Variants in CDC42SE2 observed in about 807,000 individuals in gnomAD.
CDC42SE2 encodes CDC42 small effector 2.
In CDC42SE2, 3 loss-of-function variants were observed where a neutral mutation model predicts 11.5. The ratio of observed to expected loss-of-function variants is 0.26; its 90% CI spans 0.12 to 0.67. The LOEUF is 0.67. CDC42SE2 is among the 30% of genes least tolerant of loss of function. CDC42SE2 has a pLI of 0.80. For synonymous variants in CDC42SE2, 33 were observed against 34.8 expected, an observed-to-expected ratio of 0.95 and a Z score of 0.18; for missense variants, 82 against 106.8, an observed-to-expected ratio of 0.77 and a Z score of 1.02.
At chr5:131,283,119 G>A (rs187698960) in intron 1 of CDC42SE2, among the ~76,000 whole-genome samples, 1,587 of 151,660 alleles carry the variant, frequency 0.01, 30 homozygotes, top group African/African-American at 0.036. Context: ...TAGAGATGGG[G>A]TTTCTCCATG....
chr5:131,379,760 G>C (rs1035201866), intron 3 of CDC42SE2, among the ~76,000 whole-genome samples: 1 of 152,062 alleles, frequency 6.6e-6, no homozygotes, highest in African/African-American at 2.4e-5. Context: ...GATGGTTGAC[G>C]GTCTTAACAA....
chr5:131,313,464 G>T (rs956372915), intron 1 of CDC42SE2, among the ~76,000 whole-genome samples: 2 of 152,154 alleles, frequency 1.3e-5, no homozygotes, highest in Non-Finnish European at 2.9e-5. Flanking sequence ...AGGCCACAAA[G>T]ATTTTATGGA....
chr5:131,288,239 TGTG>T (rs1757381949), intron 1 of CDC42SE2, among the ~76,000 whole-genome samples: 1 of 151,768 alleles, frequency 6.6e-6, no homozygotes, highest in Non-Finnish European at 1.5e-5. Flanking sequence ...AAAAAAAAAT[TGTG>T]GTAATGTTTA....
intron 1 of CDC42SE2, among the ~76,000 whole-genome samples, chr5:131,300,727 G>A (rs1319706088): frequency 1.3e-5 from 2 of 150,948 alleles, no homozygotes; most frequent in East Asian, 2.0e-4. Context: ...AGCTTGCTGT[G>A]AGCCGAGATC....
At chr5:131,337,061 C>T (rs1266314026) in intron 2 of CDC42SE2, among the ~76,000 whole-genome samples, 7 of 152,252 alleles carry the variant, frequency 4.6e-5, no homozygotes, top group African/African-American at 7.2e-5. Flanking sequence ...TTAGCGTTTC[C>T]GGTTTTTCTG....
intron 2 of CDC42SE2, among the ~76,000 whole-genome samples, chr5:131,337,573 T>C (rs1044870887): frequency 1.6e-4 from 24 of 152,260 alleles, no homozygotes; most frequent in African/African-American, 5.5e-4. Context: ...AGAGGTGGAG[T>C]CTACAGAGGC....
the CDC42SE2 span, among the ~76,000 whole-genome samples, chr5:131,218,614 C>G: frequency 7.1e-6 from 1 of 141,190 alleles, no homozygotes; most frequent in African/African-American, 3.0e-5. Context: ...CGAAACAACT[C>G]ACATGACTAA....
Position 131,385,708 on chromosome 5 carries a change from C to T in CDC42SE2, c.156+64C>T, listed in dbSNP as rs574940074. 163 of 913,166 alleles carry T rather than the reference C, an allele frequency of 1.8e-4. 1 individual carries two copies. In the African/African-American group the frequency reaches 2.5e-3, roughly 14 times the overall value. The allele number at this position is 913,166 out of a possible 1,614,324, so 56.6% of individuals were successfully genotyped here. On this transcript the variant is annotated intron_variant, in intron 4 of 4. Transcript: ENST00000505065. ...GCATAGTCATATGAAACCTGTGTGA[C>T]AGGCACAAGCATTTTTAATAGCATT... is the stretch of plus-strand genomic sequence containing the variant.
At chr5:131,385,710 G>T in intron 4 of CDC42SE2, 66 bp downstream of exon 4, 3 of 914,902 alleles carry the variant, frequency 3.3e-6, no homozygotes, top group South Asian at 1.4e-5. Context: ...CTGTGTGACA[G>T]GCACAAGCAT....
chr5:131,267,647 T>G (rs771296135), intron 1 of CDC42SE2, among the ~76,000 whole-genome samples: 1 of 152,208 alleles, frequency 6.6e-6, no homozygotes, highest in Non-Finnish European at 1.5e-5. Flanking sequence ...ATATTGCAGC[T>G]GTGCTCATAT....
intron 2 of CDC42SE2, among the ~76,000 whole-genome samples, chr5:131,352,956 TATC>T (rs1049999450): frequency 1.3e-5 from 2 of 152,106 alleles, no homozygotes; most frequent in African/African-American, 4.8e-5. Flanking sequence ...AATTCATTAT[TATC>T]AACTGCTCAT....
At chr5:131,295,920 C>T (rs1757562923) in intron 1 of CDC42SE2, among the ~76,000 whole-genome samples, 1 of 152,154 alleles carries the variant, frequency 6.6e-6, no homozygotes, top group Non-Finnish European at 1.5e-5. Context: ...CTCCTGACCT[C>T]ATGATCTGCC....
chr5:131,312,893 C>G (rs989072754), intron 1 of CDC42SE2, among the ~76,000 whole-genome samples: 2 of 152,202 alleles, frequency 1.3e-5, no homozygotes, highest in African/African-American at 4.8e-5. Flanking sequence ...GCAGAAATCA[C>G]CCGTCTTCTG....
chr5:131,280,040 C>T (rs1757206216), intron 1 of CDC42SE2, among the ~76,000 whole-genome samples: 1 of 152,208 alleles, frequency 6.6e-6, no homozygotes, highest in Admixed American at 6.5e-5. Context: ...GCACTCCAGC[C>T]TGGATGACAG....
chr5:131,224,824 G>A, the CDC42SE2 span, among the ~76,000 whole-genome samples: 1 of 151,580 alleles, frequency 6.6e-6, no homozygotes, highest in Non-Finnish European at 1.5e-5. Flanking sequence ...AGCAGATGCA[G>A]GAGCCAAAGC....
chr5:131,240,260 GTCAT>G, the CDC42SE2 span, among the ~76,000 whole-genome samples: 1 of 152,036 alleles, frequency 6.6e-6, no homozygotes, highest in Non-Finnish European at 1.5e-5. Context: ...TTCCATTCTA[GTCAT>G]TCATTCATAA....
Position 131,257,580 on chromosome 5 carries a change from C to T in CDC42SE2, n.242+2351C>T, listed in dbSNP as rs1277590128. On this transcript the variant is annotated intron_variant and non_coding_transcript_variant, in intron 2 of 3. Transcript: ENST00000502840. ...GCAACCTCTGCCTCCCAGGTTCAAG[C>T]GATTCTCCTGCCTCAGCTTCCCAAG... 3.3e-5 allele frequency among the ~76,000 whole-genome samples: 5 copies of T among 151,378 alleles called. No homozygotes were observed. In the South Asian group the frequency reaches 6.3e-4, roughly 19 times the overall value.
At chr5:131,384,148 T>C (rs918641304) in intron 3 of CDC42SE2, among the ~76,000 whole-genome samples, 2 of 152,256 alleles carry the variant, frequency 1.3e-5, no homozygotes, top group Non-Finnish European at 2.9e-5. Flanking sequence ...ATGTCATTGC[T>C]GAATTCTAAG....
At chr5:131,214,218 T>A in the CDC42SE2 span, among the ~76,000 whole-genome samples, 4 of 152,116 alleles carry the variant, frequency 2.6e-5, no homozygotes, top group East Asian at 7.7e-4. Flanking sequence ...TTAAAAAATG[T>A]CAGTTGGAGA....
Sources: gnomAD v4.1 joint callset for allele counts (sites outside exome capture counted in the v4.1 genomes callset) on GRCh38, gnomAD v4.1.1 for gene constraint, MANE v1.5 for transcripts, NCBI Gene and HGNC (gene_info 2026-07-23, HGNC 2026-07-21) for gene names.